TULP2: variants seen among roughly 807,000 people sequenced by gnomAD.
The protein encoded by TULP2 is TUB like protein 2.
Under a neutral mutation model 60.3 loss-of-function variants are expected in TULP2, and 64 were observed. The observed-to-expected ratio is 1.06, with a 90% CI of 0.87 to 1.31. TULP2 has a LOEUF of 1.31. TULP2 is among the 50% of genes most tolerant of loss of function. The pLI is 0.00. For synonymous variants in TULP2, 267 were observed against 265.4 expected, an observed-to-expected ratio of 1.01 and a Z score of -0.06; for missense variants, 652 against 667.0, an observed-to-expected ratio of 0.98 and a Z score of 0.25.
At chr19:48,896,707 A>G in intron 3 of TULP2, 151 bp from the exon 4 acceptor site, 1 of 905,434 alleles carries the variant, frequency 1.1e-6, no homozygotes, top group Non-Finnish European at 1.6e-6. Flanking sequence ...TCAGTTCTTC[A>G]GCAGCTCCTC....
At chr19:48,892,210 C>T (rs752312843) in intron 6 of TULP2, among the ~76,000 whole-genome samples, 23 of 152,252 alleles carry the variant, frequency 1.5e-4, no homozygotes, top group Admixed American at 1.3e-3. Flanking sequence ...CTTTCCCTTC[C>T]CACGAGGCCA....
intron 4 of TULP2, among the ~76,000 whole-genome samples, chr19:48,895,881 A>G (rs915201033): frequency 6.6e-5 from 10 of 151,936 alleles, no homozygotes; most frequent in Non-Finnish European, 1.5e-4. Context: ...CTCCGTCTCA[A>G]AAAAGAAAAA....
chr19:48,882,270 A>G (rs983543819), intron 11 of TULP2, 67 bp from the exon 12 acceptor site: 4 of 1,580,870 alleles, frequency 2.5e-6, no homozygotes, highest in Non-Finnish European at 2.6e-6. Context: ...AACAGGGGCG[A>G]CTCCATCTTG....
rs1223480854 is a variant in TULP2 at position 48,888,429 on chromosome 19, G to A, written c.637-168C>T. ...CCAGTCACGCCCTCCTCTGTTGACT[G>A]GCCAGTCTATTCGCTTTCCTCTGCA... is the stretch of plus-strand genomic sequence containing the variant. On this transcript the variant is annotated intron_variant, in intron 7 of 12. Coordinates refer to ENST00000221399, the MANE Select transcript of TULP2 (RefSeq NM_003323.3). 4.6e-5 allele frequency among the ~76,000 whole-genome samples: 7 copies of A among 152,120 alleles called. No homozygotes were observed. The East Asian group carries it at 1.3e-3, about 29-fold the overall frequency.
intron 11 of TULP2, among the ~76,000 whole-genome samples, 162 bp downstream of exon 11, chr19:48,883,592 C>G (rs2037153591): frequency 6.6e-6 from 1 of 152,110 alleles, no homozygotes; most frequent in Admixed American, 6.6e-5. Flanking sequence ...GTCTTTTACT[C>G]CCTGAGACAT....
rs764113458 is a variant in TULP2 at position 48,897,822 on chromosome 19, T to G, written c.32+15A>C. ...CTTTCCACCTCCACCCCTACCCATCTGTTTCCCTACTCACTCTCTCATCAA... is the reference window on the plus strand; with the variant it reads ...CTTTCCACCTCCACCCCTACCCATCGGTTTCCCTACTCACTCTCTCATCAA... On this transcript the variant is annotated intron_variant, in intron 2 of 12. Transcript: ENST00000221399. The surrounding 1 kb of genome is among the most constrained non-coding windows in gnomAD (Gnocchi z 4.0). 5 of 1,613,726 alleles carry G rather than the reference T, an allele frequency of 3.1e-6. No homozygotes were observed. The South Asian group carries it at 5.5e-5, about 18-fold the overall frequency.
At chr19:48,889,897 C>T (rs2122130143) in intron 6 of TULP2, among the ~76,000 whole-genome samples, 1 of 152,304 alleles carries the variant, frequency 6.6e-6, no homozygotes, top group Non-Finnish European at 1.5e-5. Context: ...TCACCACTCC[C>T]TAATCTCAAG....
At chr19:48,896,640 C>T in intron 3 of TULP2, 84 bp from the exon 4 acceptor site, 1 of 1,455,858 alleles carries the variant, frequency 6.9e-7, no homozygotes, top group Non-Finnish European at 9.1e-7. Context: ...CAAGGGCTCG[C>T]ATCGGCGCGA....
intron 10 of TULP2, 31 bp downstream of exon 10, chr19:48,883,901 T>C: frequency 6.2e-7 from 1 of 1,613,838 alleles, no homozygotes; most frequent in Non-Finnish European, 8.5e-7. Flanking sequence ...CTGACTATCC[T>C]ACCCCATTCT....
chr19:48,881,813 A>G (rs1014684037), intron 12 of TULP2, among the ~76,000 whole-genome samples: 2 of 152,194 alleles, frequency 1.3e-5, no homozygotes, highest in African/African-American at 2.4e-5. Context: ...CTACCGCGCC[A>G]GGCCGAGAAT....
chr19:48,881,460 C>A (rs1287697942), intron 12 of TULP2, among the ~76,000 whole-genome samples: 3 of 148,782 alleles, frequency 2.0e-5, no homozygotes, highest in Non-Finnish European at 4.4e-5. Flanking sequence ...CGGCTCACTG[C>A]AAGCTCCGCC....
rs550035667 is a variant in TULP2 at position 48,888,721 on chromosome 19, A to G, written c.637-460T>C. Among the ~76,000 whole-genome samples, 8 of 152,096 alleles carry G rather than the reference A, an allele frequency of 5.3e-5. No homozygotes were observed. The East Asian group carries it at 1.4e-3, about 26-fold the overall frequency. ...ACTGCAACCTCTGCCTCCCAGGTTC[A>G]AGCAATTCTCCTGCCTCAGCCTCCC... On this transcript the variant is annotated intron_variant, in intron 7 of 12. Transcript: ENST00000221399.
intron 6 of TULP2, among the ~76,000 whole-genome samples, chr19:48,892,853 T>C (rs1169791158): frequency 7.3e-5 from 11 of 151,310 alleles, no homozygotes; most frequent in African/African-American, 1.9e-4. Context: ...TTTTTCTACA[T>C]AGACAAAGTA....
intron 8 of TULP2, among the ~76,000 whole-genome samples, chr19:48,887,311 CTTTTTTTTTTTTTTTTT>C (rs58640342): frequency 1.0e-4 from 4 of 39,376 alleles, no homozygotes; most frequent in Admixed American, 5.0e-4. Flanking sequence ...GCGCCCAGCC[CTTTTTTTTTTTTTTTTT>C]TTTTTTTTTT....
chr19:48,897,948 C>CTTATTTAT lies in TULP2; in HGVS notation c.-1-87_-1-80dup, dbSNP rs60572211. On this transcript the variant is annotated intron_variant, in intron 1 of 12. Coordinates refer to ENST00000221399, the MANE Select transcript of TULP2 (RefSeq NM_003323.3). The surrounding 1 kb of genome is among the most constrained non-coding windows in gnomAD (Gnocchi z 4.0). Reference sequence around the variant, plus strand: ...TGCCCACCAGCACCTAATCTTTAGCCTTATTTATTTATTTATTTATTTATT... The same window carrying CTTATTTAT: ...TGCCCACCAGCACCTAATCTTTAGCCTTATTTATTTATTTATTTATTTATTTATTTATT... The CTTATTTAT allele has an allele frequency of 0.1, 64,926 of 634,654 alleles. 4,359 individuals are homozygous for CTTATTTAT. Among genetic ancestry groups the CTTATTTAT allele is most frequent in the East Asian group, 0.12 (3,245 of 26,566 alleles). 39.3% of individuals were successfully genotyped at this position (634,654 alleles called of 1,614,324 possible).
intron 7 of TULP2, 51 bp downstream of exon 7, chr19:48,889,459 C>A: frequency 6.5e-7 from 1 of 1,541,402 alleles, no homozygotes; most frequent in Non-Finnish European, 8.8e-7. Flanking sequence ...ACCAGAGGTC[C>A]GAGGCTAGCC....
intron 3 of TULP2, 89 bp from the exon 4 acceptor site, chr19:48,896,645 G>GC (rs747267035): frequency 2.8e-6 from 4 of 1,439,534 alleles, no homozygotes; most frequent in East Asian, 2.5e-5. Flanking sequence ...GCTCGCATCG[G>GC]CGCGAGAGTT....
chr19:48,883,030 T>A (rs933098264), intron 11 of TULP2, among the ~76,000 whole-genome samples: 1 of 152,040 alleles, frequency 6.6e-6, no homozygotes, highest in Admixed American at 6.6e-5. Context: ...CCATCCTGAC[T>A]AACACAGTGA....
At chr19:48,893,176 G>T (rs1291586849) in intron 6 of TULP2, among the ~76,000 whole-genome samples, 1 of 151,922 alleles carries the variant, frequency 6.6e-6, no homozygotes, top group East Asian at 1.9e-4. Flanking sequence ...GAGACCAGCT[G>T]TGCCAACATG....
Sources: allele counts gnomAD v4.1 joint callset (sites outside exome capture counted in the v4.1 genomes callset), GRCh38; gene constraint gnomAD v4.1.1; non-coding constraint Gnocchi (gnomAD v3.1); transcripts MANE v1.5; gene names NCBI Gene and HGNC (gene_info 2026-07-23, HGNC 2026-07-21).